GRM4: variants seen among roughly 807,000 people sequenced by gnomAD.
GRM4 encodes metabotropic glutamate receptor 4.
A neutral mutation model predicts 81.7 loss-of-function variants in GRM4; 28 were observed. That is an observed-to-expected ratio of 0.34 (90% CI 0.25 to 0.47). The LOEUF (loss-of-function observed/expected upper bound fraction) is 0.47, where lower values mean the gene tolerates loss of function less well. Ranked by LOEUF, GRM4 falls within the 20% of genes least tolerant of loss-of-function variation. The pLI is 1.00. For synonymous variants in GRM4, 488 were observed against 528.8 expected (o/e 0.92, Z 1.06); for missense variants, 948 against 1,290.0 (o/e 0.73, Z 4.06).
intron 3 of GRM4, among the ~76,000 whole-genome samples, chr6:34,075,692 C>T (rs1317905537): frequency 5.3e-5 from 8 of 152,214 alleles, no homozygotes; most frequent in African/African-American, 1.9e-4. Flanking sequence ...CTCCACATAA[C>T]AAAGTGTGAA....
At chr6:34,066,418 C>A (rs1007620130) in intron 3 of GRM4, among the ~76,000 whole-genome samples, 16 of 152,044 alleles carry the variant, frequency 1.1e-4, no homozygotes, top group South Asian at 2.1e-4. Flanking sequence ...AATTGACGGA[C>A]AAAAGCAAGT....
chr6:34,067,904 A>C (rs2127466409), intron 3 of GRM4, among the ~76,000 whole-genome samples: 1 of 152,276 alleles, frequency 6.6e-6, no homozygotes. Context: ...ATCTGCAGGC[A>C]CATCTTCAGG....
At chr6:34,077,253 G>A (rs1225855308) in intron 3 of GRM4, among the ~76,000 whole-genome samples, 3 of 152,182 alleles carry the variant, frequency 2.0e-5, no homozygotes, top group South Asian at 2.1e-4. Context: ...AACCAGAGAG[G>A]GGCCAGGATT....
At chr6:34,071,153 T>C (rs1766801800) in intron 3 of GRM4, among the ~76,000 whole-genome samples, 1 of 151,214 alleles carries the variant, frequency 6.6e-6, no homozygotes, top group Non-Finnish European at 1.5e-5. Flanking sequence ...CTCACACATA[T>C]TTGCATCCAA....
In GRM4 at chr6:34,068,388, C is replaced by G. The variant is rs899358604; in HGVS notation, c.737-6360G>C. 2.6e-5 allele frequency among the ~76,000 whole-genome samples: 4 copies of G among 152,134 alleles called. No individual in the cohort carries two copies. Among genetic ancestry groups the G allele is most frequent in the Non-Finnish European group, 5.9e-5 (4 of 68,028 alleles). On this transcript the variant is annotated intron_variant, in intron 3 of 10. Transcript: ENST00000538487. The surrounding 1 kb of genome is among the most constrained non-coding windows in gnomAD (Gnocchi z 4.2). ...CTGCTAAATGAATTCACATTTCTGT[C>G]CTGCACGACCTGGGGTTGTCTGAGC...
At position 34,035,063 on chromosome 6, in the gene GRM4, A is replaced by AG. The variant is rs535106285; in HGVS notation, c.2442+604dup. Among the ~76,000 whole-genome samples the AG allele has an allele frequency of 1.6e-4, 25 of 152,176 alleles. 1 individual carries two copies. The East Asian group carries it at 1.9e-3, about 12-fold the overall frequency. ...AGGGCAGCTTGGGGCTGGGGAGAGA[A>AG]GGGGGGTCCCATGGGGATCTTGTGA... On this transcript the variant is annotated intron_variant, in intron 9 of 10. Coordinates refer to ENST00000538487, the MANE Select transcript of GRM4 (RefSeq NM_000841.4). The surrounding 1 kb of genome is among the most constrained non-coding windows in gnomAD (Gnocchi z 6.6).
At chr6:34,109,518 G>C (rs1465933128) in intron 2 of GRM4, among the ~76,000 whole-genome samples, 1 of 152,188 alleles carries the variant, frequency 6.6e-6, no homozygotes, top group African/African-American at 2.4e-5. Context: ...GCAGACAATG[G>C]GCATCTGCAG....
intron 1 of GRM4, among the ~76,000 whole-genome samples, chr6:34,137,184 A>G (rs1047105098): frequency 3.9e-5 from 6 of 152,266 alleles, no homozygotes; most frequent in Admixed American, 3.3e-4. Context: ...CCCCACCCCC[A>G]GACGGGCCTC....
rs990284138 is a variant in GRM4, at chr6:34,070,113, A to T, written c.737-8085T>A. Among the ~76,000 whole-genome samples, 1 of 152,086 alleles carries T rather than the reference A, an allele frequency of 6.6e-6. No individual in the cohort carries two copies. The highest frequency in any genetic ancestry group is 1.5e-5 in the Non-Finnish European group (1 of 68,004). On this transcript the variant is annotated intron_variant, in intron 3 of 10. Transcript: ENST00000538487. The surrounding 1 kb of genome is among the most constrained non-coding windows in gnomAD (Gnocchi z 4.6). The stretch of plus-strand genomic sequence containing the variant: ...AGGGCAGAGGCTCTGTAGGAGTTGG[A>T]GGTGAACACTCGCACCTGCTCACAC...
intron 2 of GRM4, among the ~76,000 whole-genome samples, chr6:34,125,725 C>T (rs944908855): frequency 2.6e-5 from 4 of 152,246 alleles, no homozygotes; most frequent in African/African-American, 7.2e-5. Flanking sequence ...CCTCCTTCCA[C>T]GTCCCTTCCC....
At chr6:34,071,053 C>T (rs1324303890) in intron 3 of GRM4, among the ~76,000 whole-genome samples, 8 of 151,878 alleles carry the variant, frequency 5.3e-5, no homozygotes, top group Admixed American at 1.3e-4. Flanking sequence ...CACACAGCCT[C>T]GCACAAACAC....
At chr6:34,041,040 C>A (rs1764998708) in intron 6 of GRM4, among the ~76,000 whole-genome samples, 1 of 152,198 alleles carries the variant, frequency 6.6e-6, no homozygotes, top group African/African-American at 2.4e-5. Flanking sequence ...ACCTTGTCAC[C>A]TTTCACCATG....
chr6:34,107,759 G>T (rs527333098), intron 2 of GRM4, among the ~76,000 whole-genome samples: 6 of 152,196 alleles, frequency 3.9e-5, no homozygotes, highest in Non-Finnish European at 8.8e-5. Flanking sequence ...TGACGGGCAG[G>T]ATGAGCCCTG....
chr6:34,076,851 G>A (rs34741555), intron 3 of GRM4, among the ~76,000 whole-genome samples: 8,777 of 152,128 alleles, frequency 0.058, 598 homozygotes, highest in African/African-American at 0.16. Context: ...GAGCCTCAAC[G>A]CTTGGGGGCT....
chr6:34,065,992 C>T (rs1261374508), intron 3 of GRM4, among the ~76,000 whole-genome samples: 1 of 152,168 alleles, frequency 6.6e-6, no homozygotes, highest in Non-Finnish European at 1.5e-5. Flanking sequence ...GCCCAGGTTC[C>T]ACACCTCCCC....
chr6:34,044,045 C>T (rs1765139382), intron 6 of GRM4, among the ~76,000 whole-genome samples: 1 of 151,538 alleles, frequency 6.6e-6, no homozygotes, highest in African/African-American at 2.4e-5. Flanking sequence ...CACACACACA[C>T]ATAGACATAC....
intron 3 of GRM4, chr6:34,091,662 G>A (rs1055141099): frequency 8.2e-5 from 48 of 581,924 alleles, no homozygotes; most frequent in Non-Finnish European, 1.4e-4. Flanking sequence ...GCACACCCAC[G>A]TCTGCAAAGG....
rs529659616 is a variant in GRM4 at position 34,029,679 on chromosome 6, C to T, written c.2443-1313G>A. ...CAATGGGATGAAAGCAGCTACCTCA[C>T]CCAAACCATGAGGGTACCCCAAGCA... is the stretch of plus-strand genomic sequence containing the variant. On this transcript the variant is annotated intron_variant, in intron 9 of 10. Transcript: ENST00000538487. Among the ~76,000 whole-genome samples, 79 of 152,348 alleles carry T rather than the reference C, an allele frequency of 5.2e-4. 1 individual carries two copies. The highest frequency in any genetic ancestry group is 3.7e-3 in the Admixed American group (57 of 15,300).
chr6:34,061,858 C>G (rs377272214), intron 4 of GRM4, 35 bp downstream of exon 4: 1 of 1,594,940 alleles, frequency 6.3e-7, no homozygotes. Context: ...ACCTGCATGG[C>G]TCCCGGTGCC....
Sources: allele counts gnomAD v4.1 joint callset (sites outside exome capture counted in the v4.1 genomes callset), GRCh38; gene constraint gnomAD v4.1.1; non-coding constraint Gnocchi (gnomAD v3.1); transcripts MANE v1.5; gene names NCBI Gene and HGNC (gene_info 2026-07-23, HGNC 2026-07-21).